Variants in CSMD1 observed in about 807,000 individuals in gnomAD.
CSMD1 encodes the protein CUB and sushi domain-containing protein 1.
A neutral mutation model predicts 417.5 loss-of-function variants in CSMD1; 213 were observed. The ratio of observed to expected loss-of-function variants is 0.51; its 90% CI spans 0.46 to 0.57. The LOEUF (loss-of-function observed/expected upper bound fraction) is 0.57. Among genes scored for constraint, CSMD1 ranks in the 20% least tolerant of loss-of-function variants. The pLI, the probability that CSMD1 is intolerant of heterozygous loss-of-function variation, is 0.00. For synonymous variants in CSMD1, 2,862 were observed against 1,736.8 expected (o/e 1.65, Z -16.11); for missense variants, 6,923 against 4,529.7 (o/e 1.53, Z -15.17).
intron 5 of CSMD1, among the ~76,000 whole-genome samples, chr8:3,940,684 T>C (rs751709209): frequency 6.6e-6 from 1 of 152,050 alleles, no homozygotes. Flanking sequence ...TTCTATAACA[T>C]ACCTACATTG....
intron 1 of CSMD1, among the ~76,000 whole-genome samples, chr8:4,911,461 A>G (rs1805664506): frequency 6.6e-6 from 1 of 152,188 alleles, no homozygotes; most frequent in African/African-American, 2.4e-5. Context: ...ACACTTTTCC[A>G]TAGGATGTGA....
chr8:4,427,036 G>A (rs1797599670), intron 2 of CSMD1, among the ~76,000 whole-genome samples: 1 of 152,076 alleles, frequency 6.6e-6, no homozygotes, highest in Admixed American at 6.6e-5. Flanking sequence ...CACGAGAACT[G>A]GTGTAGACGG....
chr8:4,136,926 G>C (rs1204844946), intron 3 of CSMD1, among the ~76,000 whole-genome samples: 1 of 152,156 alleles, frequency 6.6e-6, no homozygotes, highest in Non-Finnish European at 1.5e-5. Context: ...TTTCTCCCAA[G>C]TACTAGATTA....
At chr8:4,333,309 T>A (rs771494184) in intron 3 of CSMD1, among the ~76,000 whole-genome samples, 1 of 152,090 alleles carries the variant, frequency 6.6e-6, no homozygotes, top group Non-Finnish European at 1.5e-5. Context: ...TCAGATGCTG[T>A]TGAACATCTA....
intron 2 of CSMD1, among the ~76,000 whole-genome samples, chr8:4,555,555 A>G (rs539515512): frequency 3.1e-4 from 47 of 152,184 alleles, no homozygotes; most frequent in Admixed American, 9.8e-4. Flanking sequence ...TCCTGTTACA[A>G]TTGCCTCCAG....
chr8:4,501,707 A>T (rs1802267315), intron 2 of CSMD1, among the ~76,000 whole-genome samples: 1 of 152,204 alleles, frequency 6.6e-6, no homozygotes, highest in Non-Finnish European at 1.5e-5. Flanking sequence ...CACTATCTAC[A>T]TTAGTCACTT....
intron 11 of CSMD1, among the ~76,000 whole-genome samples, chr8:3,478,861 C>T (rs538473116): frequency 6.6e-6 from 1 of 152,172 alleles, no homozygotes; most frequent in Non-Finnish European, 1.5e-5. Flanking sequence ...TATAAATGAT[C>T]TCACCTGGGG....
intron 48 of CSMD1, among the ~76,000 whole-genome samples, chr8:3,090,639 A>T (rs1477212730): frequency 6.6e-6 from 1 of 152,194 alleles, no homozygotes; most frequent in Admixed American, 6.5e-5. Flanking sequence ...GTAAAACACC[A>T]ACACAGTAAT....
chr8:3,718,225 G>A (rs76570396), intron 6 of CSMD1, among the ~76,000 whole-genome samples: 1 of 152,258 alleles, frequency 6.6e-6, no homozygotes, highest in East Asian at 1.9e-4. Flanking sequence ...TCTGGAAACA[G>A]TTGTTGTCTT....
intron 2 of CSMD1, among the ~76,000 whole-genome samples, chr8:4,599,289 T>G (rs895083772): frequency 6.6e-6 from 1 of 152,134 alleles, no homozygotes; most frequent in Non-Finnish European, 1.5e-5. Context: ...TATACTGTGG[T>G]GGATCATGTG....
chr8:3,384,402 A>C (rs1810837823), intron 18 of CSMD1, among the ~76,000 whole-genome samples: 1 of 151,832 alleles, frequency 6.6e-6, no homozygotes, highest in Non-Finnish European at 1.5e-5. Context: ...ATTATATTAT[A>C]AATTAAGTTT....
intron 42 of CSMD1, among the ~76,000 whole-genome samples, chr8:3,115,920 G>T (rs769444735): frequency 6.6e-6 from 1 of 152,074 alleles, no homozygotes; most frequent in Non-Finnish European, 1.5e-5. Flanking sequence ...CAGTACACTT[G>T]ACCTATATAG....
intron 1 of CSMD1, among the ~76,000 whole-genome samples, chr8:4,661,229 G>A (rs538920931): frequency 6.6e-6 from 1 of 152,240 alleles, no homozygotes; most frequent in African/African-American, 2.4e-5. Flanking sequence ...CCTTTAATGA[G>A]TGAATGGCTA....
chr8:4,056,250 T>G (rs975571690), intron 3 of CSMD1, among the ~76,000 whole-genome samples: 10 of 151,644 alleles, frequency 6.6e-5, no homozygotes, highest in African/African-American at 2.2e-4. Context: ...CCTGGCTAAT[T>G]TTTGTATTTT....
intron 5 of CSMD1, among the ~76,000 whole-genome samples, chr8:3,888,543 C>A (rs1159671830): frequency 6.6e-6 from 1 of 152,194 alleles, no homozygotes; most frequent in Non-Finnish European, 1.5e-5. Flanking sequence ...CCTTGTCATG[C>A]CTCTTGTATC....
chr8:3,966,209 T>C (rs550226655), intron 5 of CSMD1, among the ~76,000 whole-genome samples: 4 of 152,264 alleles, frequency 2.6e-5, no homozygotes, highest in South Asian at 4.1e-4. Context: ...ATATGCCAGA[T>C]TGCCAGCTTA....
intron 5 of CSMD1, among the ~76,000 whole-genome samples, chr8:3,895,089 C>G (rs762588753): frequency 6.6e-5 from 10 of 152,140 alleles, no homozygotes; most frequent in Non-Finnish European, 1.3e-4. Flanking sequence ...ATTAAACATT[C>G]AAGGACTTCT....
intron 12 of CSMD1, among the ~76,000 whole-genome samples, chr8:3,417,831 T>TCA: frequency 6.6e-6 from 1 of 152,080 alleles, no homozygotes; most frequent in Non-Finnish European, 1.5e-5. Context: ...ACAGACCCTG[T>TCA]TTTTTGGAGA....
In CSMD1 at chr8:4,765,544, G is replaced by T. The variant is rs35211629; in HGVS notation, c.86-127986C>A. The stretch of plus-strand genomic sequence containing the variant: ...GGAAATGGAAGGCAAAGAAAGAAAT[G>T]GAAATAACTCACTAATTGATCAACT... On this transcript the variant is annotated intron_variant, in intron 1 of 69. Transcript: ENST00000635120. Among the ~76,000 whole-genome samples the T allele has an allele frequency of 4.5e-3, 686 of 152,284 alleles. 3 individuals are homozygous for T. Among genetic ancestry groups the T allele is most frequent in the African/African-American group, 0.016 (662 of 41,570 alleles).
Sources: allele counts gnomAD v4.1 joint callset (sites outside exome capture counted in the v4.1 genomes callset), GRCh38; gene constraint gnomAD v4.1.1; transcripts MANE v1.5; gene names NCBI Gene and HGNC (gene_info 2026-07-23, HGNC 2026-07-21).